The following NCS1 variants were observed in gnomAD, a reference collection of about 807,000 sequenced individuals.
NCS1 encodes frequenin homolog.
A neutral mutation model predicts 28.4 loss-of-function variants in NCS1; 6 were observed. The observed-to-expected ratio is 0.21, with a 90% CI of 0.12 to 0.42. The LOEUF is 0.42. Among genes scored for constraint, NCS1 ranks in the 10% least tolerant of loss-of-function variants. The pLI is 1.00. For synonymous variants in NCS1, 86 were observed against 99.3 expected (o/e 0.87, Z 0.79); for missense variants, 131 against 241.4 (o/e 0.54, Z 3.03).
chr9:130,193,382 T>G (rs1832840917), intron 1 of NCS1, among the ~76,000 whole-genome samples: 1 of 148,700 alleles, frequency 6.7e-6, no homozygotes, highest in African/African-American at 2.5e-5. Context: ...TGGGATGGGG[T>G]GGGGGCTGAG....
intron 1 of NCS1, among the ~76,000 whole-genome samples, chr9:130,183,141 C>T (rs560058022): frequency 2.6e-5 from 4 of 152,290 alleles, no homozygotes; most frequent in South Asian, 2.1e-4. Flanking sequence ...TACAGTCTGT[C>T]GGGGAAGGGG....
intron 3 of NCS1, among the ~76,000 whole-genome samples, chr9:130,218,394 G>T (rs556830375): frequency 6.6e-6 from 1 of 152,284 alleles, no homozygotes; most frequent in African/African-American, 2.4e-5. Flanking sequence ...GGACTTGCAG[G>T]TGCACACACG....
At chr9:130,205,393 A>G (rs557304012) in intron 2 of NCS1, among the ~76,000 whole-genome samples, 109 of 152,168 alleles carry the variant, frequency 7.2e-4, no homozygotes, top group African/African-American at 2.5e-3. Flanking sequence ...TTATAAAGAA[A>G]AAAGCAACCT....
At chr9:130,183,763 CTCTTTT>C (rs1482104633) in intron 1 of NCS1, among the ~76,000 whole-genome samples, 1 of 144,116 alleles carries the variant, frequency 6.9e-6, no homozygotes, top group Non-Finnish European at 1.5e-5. Flanking sequence ...CTTTCTCTTT[CTCTTTT>C]CCTTCCTTCC....
intron 3 of NCS1, among the ~76,000 whole-genome samples, chr9:130,218,195 G>A (rs2131151010): frequency 6.6e-6 from 1 of 152,326 alleles, no homozygotes; most frequent in Middle Eastern, 3.4e-3. Flanking sequence ...GCACATGTGT[G>A]CACACATATG....
chr9:130,176,190 CTTTCTT>C (rs1564700808), intron 1 of NCS1, among the ~76,000 whole-genome samples: 3 of 56,640 alleles, frequency 5.3e-5, no homozygotes, highest in African/African-American at 1.6e-4. Context: ...TTCTTTCTTT[CTTTCTT>C]TTTTTTTTTT....
In NCS1 at chr9:130,191,737, C is replaced by T. The variant is rs1173739745; in HGVS notation, c.65-9221C>T. ...GGCGACAGTGGCCGTCACAGCTGCT[C>T]ACTGCTGCACATGGCGGTCTGATGG... On this transcript the variant is annotated intron_variant, in intron 1 of 7. Transcript: ENST00000372398. The surrounding 1 kb of genome is among the most constrained non-coding windows in gnomAD (Gnocchi z 6.4). Among the ~76,000 whole-genome samples the T allele has an allele frequency of 6.6e-6, 1 of 152,268 alleles. No homozygotes were observed. The highest frequency in any genetic ancestry group is 2.4e-5 in the African/African-American group (1 of 41,474).
Position 130,192,895 on chromosome 9 carries a change from G to A in NCS1, c.65-8063G>A, listed in dbSNP as rs1298837565. Among the ~76,000 whole-genome samples, 1 of 152,218 alleles carries A rather than the reference G, an allele frequency of 6.6e-6. No individual in the cohort carries two copies. Among genetic ancestry groups the A allele is most frequent in the Non-Finnish European group, 1.5e-5 (1 of 68,038 alleles). On this transcript the variant is annotated intron_variant, in intron 1 of 7. Coordinates refer to ENST00000372398, the MANE Select transcript of NCS1 (RefSeq NM_014286.4). The surrounding 1 kb of genome is among the most constrained non-coding windows in gnomAD (Gnocchi z 4.8). The stretch of plus-strand genomic sequence containing the variant: ...TTCTGTCCTCCCCACCTCCCAGTGT[G>A]CGGTACTCCATGGTTGGCACAGCTA...
At position 130,233,540 on chromosome 9, in the gene NCS1, C is replaced by G. The variant is rs1554912400; in HGVS notation, c.*568C>G. 1 of 152,520 alleles carries G rather than the reference C, an allele frequency of 6.6e-6. No homozygotes were observed. The highest frequency in any genetic ancestry group is 2.4e-5 in the African/African-American group (1 of 41,394). The allele number at this position is 152,520 out of a possible 1,614,324, so 9.4% of individuals were successfully genotyped here. Reference sequence around the variant, plus strand: ...TTTGGCAGCAAAACCACCTGCGTGGCTAGGATGATTAATTATGAGGATGAT... The same window carrying G: ...TTTGGCAGCAAAACCACCTGCGTGGGTAGGATGATTAATTATGAGGATGAT... On this transcript the variant is annotated 3_prime_UTR_variant, in exon 8 of 8. Transcript: ENST00000372398. This position sits in a 1 kb window ranked among gnomAD's most constrained non-coding sequence, Gnocchi z 4.8.
chr9:130,225,007 C>T (rs1394200231), intron 6 of NCS1, among the ~76,000 whole-genome samples: 2 of 152,198 alleles, frequency 1.3e-5, no homozygotes, highest in Middle Eastern at 3.4e-3. Context: ...GCCTGGGCAA[C>T]GTGATGAAAC....
intron 7 of NCS1, among the ~76,000 whole-genome samples, chr9:130,231,880 A>G (rs576164308): frequency 2.0e-5 from 3 of 151,416 alleles, no homozygotes; most frequent in East Asian, 3.9e-4. Context: ...TTTCCATGAA[A>G]AAAAAAAAAA....
At position 130,209,878 on chromosome 9, in the gene NCS1, G is replaced by A. The variant is rs1406640006; in HGVS notation, c.90-7954G>A. Among the ~76,000 whole-genome samples the A allele has an allele frequency of 1.3e-5, 2 of 152,140 alleles. No individual in the cohort carries two copies. Among genetic ancestry groups the A allele is most frequent in the Admixed American group, 6.5e-5 (1 of 15,270 alleles). On this transcript the variant is annotated intron_variant, in intron 2 of 7. Coordinates refer to ENST00000372398, the MANE Select transcript of NCS1 (RefSeq NM_014286.4). The surrounding 1 kb of genome is among the most constrained non-coding windows in gnomAD (Gnocchi z 4.4). ...CCTCGGCTTCCCGTGGCTGGGGATC[G>A]CAGGCCCCGTTCTTCACAGCCTGGG...
chr9:130,214,524 G>A (rs1833157276), intron 2 of NCS1, among the ~76,000 whole-genome samples: 1 of 152,206 alleles, frequency 6.6e-6, no homozygotes, highest in African/African-American at 2.4e-5. Context: ...GAACTGACTG[G>A]GCAGGCTGAT....
chr9:130,216,899 G>A (rs780829138), intron 2 of NCS1, among the ~76,000 whole-genome samples: 2 of 148,446 alleles, frequency 1.3e-5, no homozygotes, highest in African/African-American at 2.5e-5. Context: ...TGAGGAGTGC[G>A]TGTCCTCCTG....
At position 130,186,272 on chromosome 9, in the gene NCS1, G is replaced by A. The variant is rs555619464; in HGVS notation, c.64+13545G>A. ...TTGGCGGGGAGGCAGATGTCAGGCT[G>A]GGATAAGCGTCAAGACAGGGCTTTG... On this transcript the variant is annotated intron_variant, in intron 1 of 7. Coordinates refer to ENST00000372398, the MANE Select transcript of NCS1 (RefSeq NM_014286.4). This position sits in a 1 kb window ranked among gnomAD's most constrained non-coding sequence, Gnocchi z 4.1. 5.9e-5 allele frequency among the ~76,000 whole-genome samples: 9 copies of A among 152,162 alleles called. No individual in the cohort carries two copies. Among genetic ancestry groups the A allele is most frequent in the Non-Finnish European group, 1.0e-4 (7 of 68,038 alleles).
rs191817935 is a variant in NCS1 at position 130,227,667 on chromosome 9, C to T, written c.*17+1163C>T. 3.5e-3 allele frequency among the ~76,000 whole-genome samples: 535 copies of T among 152,310 alleles called. 5 individuals are homozygous for T. Among genetic ancestry groups the T allele is most frequent in the African/African-American group, 0.012 (511 of 41,546 alleles). On this transcript the variant is annotated intron_variant, in intron 7 of 7. Transcript: ENST00000372398. ...TCTGATAAGCAGTGACGTTGAATGC[C>T]TTGTTATAAGTGTATCACCCATTTT...
Position 130,172,734 on chromosome 9 carries a change from G to A in NCS1, c.64+7G>A, listed in dbSNP as rs1554904189. On this transcript the variant is annotated splice_region_variant and intron_variant, in intron 1 of 7. Transcript: ENST00000372398. ...CTGACCAGGAAGACCTACTGTGAGT[G>A]CTCCCAGCCCCCAGCCCGCGCCCCG... 3.3e-6 allele frequency: 5 copies of A among 1,495,724 alleles called. No homozygotes were observed. The highest frequency in any genetic ancestry group is 2.9e-5 in the African/African-American group (2 of 68,802). 92.7% of individuals were successfully genotyped at this position (1,495,724 alleles called of 1,614,324 possible). A position where few individuals can be genotyped will look rare whatever the true frequency, so the allele number is the denominator to read the frequency against.
rs1194309144 is a variant in NCS1, at chr9:130,175,315, T to C, written c.64+2588T>C. Among the ~76,000 whole-genome samples the C allele has an allele frequency of 6.6e-6, 1 of 152,090 alleles. No individual in the cohort carries two copies. Among genetic ancestry groups the C allele is most frequent in the Non-Finnish European group, 1.5e-5 (1 of 68,020 alleles). On this transcript the variant is annotated intron_variant, in intron 1 of 7. Coordinates refer to ENST00000372398, the MANE Select transcript of NCS1 (RefSeq NM_014286.4). The surrounding 1 kb of genome is among the most constrained non-coding windows in gnomAD (Gnocchi z 4.9). ...TCTGATGGGGAGTGGAGCCATCTGC[T>C]CTTTGTTCTGGGGGATTCTGTGTAT... is the stretch of plus-strand genomic sequence containing the variant.
chr9:130,206,686 A>G (rs1253114459), intron 2 of NCS1, among the ~76,000 whole-genome samples: 7 of 151,844 alleles, frequency 4.6e-5, no homozygotes, highest in African/African-American at 1.5e-4. Flanking sequence ...CTGGGATTAC[A>G]TGTGTGAGCC....
Sources: gnomAD v4.1 joint callset for allele counts (sites outside exome capture counted in the v4.1 genomes callset) on GRCh38, gnomAD v4.1.1 for gene constraint, Gnocchi (gnomAD v3.1) non-coding constraint, MANE v1.5 for transcripts, NCBI Gene and HGNC (gene_info 2026-07-23, HGNC 2026-07-21) for gene names.